Variants in ELMO1 observed in about 807,000 individuals in gnomAD.
The protein encoded by ELMO1 is engulfment and cell motility protein 1.
In ELMO1, 26 loss-of-function variants were observed where a neutral mutation model predicts 98.9. That is an observed-to-expected ratio of 0.26 (90% CI 0.19 to 0.36). The LOEUF is 0.36. Among genes scored for constraint, ELMO1 ranks in the 10% least tolerant of loss-of-function variants. ELMO1 has a pLI of 1.00. For synonymous variants in ELMO1, 346 were observed against 346.0 expected, an observed-to-expected ratio of 1.00 and a Z score of 0.00; for missense variants, 627 against 935.2, an observed-to-expected ratio of 0.67 and a Z score of 4.30.
Position 37,087,914 on chromosome 7 carries a change from C to T in ELMO1, c.1300+8705G>A, listed in dbSNP as rs184832734. 1.9e-4 allele frequency among the ~76,000 whole-genome samples: 29 copies of T among 152,228 alleles called. No homozygotes were observed. The East Asian group carries it at 5.6e-3, about 29-fold the overall frequency. On this transcript the variant is annotated intron_variant, in intron 15 of 21. Transcript: ENST00000310758. ...AAGTGCTACAGGAGTTCTGAGGGAG[C>T]TGTAATGCCCTCCCACAGTGAAGAT...
chr7:37,228,907 G>A (rs1246811712), intron 8 of ELMO1, among the ~76,000 whole-genome samples: 5 of 152,104 alleles, frequency 3.3e-5, no homozygotes, highest in Non-Finnish European at 5.9e-5. Flanking sequence ...CAGGAGAATC[G>A]CGTGAACCCA....
At chr7:36,867,193 T>C (rs1803097695) in intron 20 of ELMO1, among the ~76,000 whole-genome samples, 1 of 152,200 alleles carries the variant, frequency 6.6e-6, no homozygotes, top group Non-Finnish European at 1.5e-5. Flanking sequence ...ATTCTCCAGC[T>C]GTCCATCCAT....
chr7:37,441,000 C>CA (rs201646447), intron 1 of ELMO1, among the ~76,000 whole-genome samples: 4,331 of 147,190 alleles, frequency 0.029, 68 homozygotes, highest in Non-Finnish European at 0.033. Context: ...AGACCAAAAA[C>CA]AAAAAAAAAA....
intron 13 of ELMO1, among the ~76,000 whole-genome samples, chr7:37,135,431 G>A (rs946006746): frequency 6.6e-6 from 1 of 152,154 alleles, no homozygotes; most frequent in African/African-American, 2.4e-5. Context: ...GAGGCAACCA[G>A]CACACTAAAC....
At chr7:37,098,166 GACTC>G (rs1209061661) in intron 14 of ELMO1, among the ~76,000 whole-genome samples, 1 of 152,188 alleles carries the variant, frequency 6.6e-6, no homozygotes, top group East Asian at 1.9e-4. Flanking sequence ...GCTGTGCAGT[GACTC>G]ACTGTTTTGT....
chr7:37,011,262 G>A (rs1309627987), intron 16 of ELMO1, among the ~76,000 whole-genome samples: 2 of 152,206 alleles, frequency 1.3e-5, no homozygotes, highest in East Asian at 1.9e-4. Flanking sequence ...TGAACAGGCA[G>A]GATGTCTGCC....
At chr7:37,030,269 C>G (rs1165032609) in intron 15 of ELMO1, among the ~76,000 whole-genome samples, 1 of 152,160 alleles carries the variant, frequency 6.6e-6, no homozygotes, top group African/African-American at 2.4e-5. Flanking sequence ...CAAGTTGATA[C>G]TCTCAGGCAT....
At chr7:37,238,832 C>T (rs757715912) in intron 7 of ELMO1, among the ~76,000 whole-genome samples, 1 of 152,126 alleles carries the variant, frequency 6.6e-6, no homozygotes, top group Admixed American at 6.5e-5. Flanking sequence ...TTTCATAAAA[C>T]ACTGAGCTGC....
intron 1 of ELMO1, among the ~76,000 whole-genome samples, chr7:37,359,879 G>A (rs1241987489): frequency 6.6e-6 from 1 of 152,104 alleles, no homozygotes; most frequent in African/African-American, 2.4e-5. Context: ...ACTGCGACAC[G>A]GTGAACTTGC....
chr7:37,407,526 A>G (rs553590688), intron 1 of ELMO1, among the ~76,000 whole-genome samples: 1 of 151,914 alleles, frequency 6.6e-6, no homozygotes, highest in East Asian at 1.9e-4. Context: ...AAAAAAAAGA[A>G]CATGGATGAA....
At chr7:37,340,412 C>T (rs1800652069) in intron 2 of ELMO1, among the ~76,000 whole-genome samples, 1 of 152,132 alleles carries the variant, frequency 6.6e-6, no homozygotes, top group Admixed American at 6.5e-5. Flanking sequence ...CATAAAATTA[C>T]TTGTCAAAGC....
intron 2 of ELMO1, among the ~76,000 whole-genome samples, chr7:37,324,675 G>T (rs1039712582): frequency 3.3e-5 from 5 of 152,114 alleles, no homozygotes; most frequent in African/African-American, 1.2e-4. Context: ...TCAACCTCCT[G>T]GGTTTAAGGG....
intron 16 of ELMO1, among the ~76,000 whole-genome samples, chr7:36,952,167 G>A (rs1788016801): frequency 6.6e-6 from 1 of 152,182 alleles, no homozygotes; most frequent in East Asian, 1.9e-4. Context: ...TACTCCTGAG[G>A]GCAGCCACTG....
At chr7:37,406,786 C>T (rs1211891699) in intron 1 of ELMO1, among the ~76,000 whole-genome samples, 1 of 152,036 alleles carries the variant, frequency 6.6e-6, no homozygotes, top group African/African-American at 2.4e-5. Flanking sequence ...TAAAATATAG[C>T]ATTAGCTAGA....
At chr7:37,211,748 C>T (rs994354365) in intron 12 of ELMO1, among the ~76,000 whole-genome samples, 8 of 152,174 alleles carry the variant, frequency 5.3e-5, no homozygotes, top group African/African-American at 1.4e-4. Context: ...GTCCTCTTAG[C>T]CAAGTAGTTA....
chr7:37,219,009 G>A (rs553901446), intron 10 of ELMO1, among the ~76,000 whole-genome samples: 7 of 152,316 alleles, frequency 4.6e-5, no homozygotes, highest in African/African-American at 1.2e-4. Flanking sequence ...ACTGAATAAT[G>A]GTAAAAGTTG....
At chr7:36,939,783 C>G (rs1344446647) in intron 16 of ELMO1, among the ~76,000 whole-genome samples, 2 of 152,224 alleles carry the variant, frequency 1.3e-5, no homozygotes, top group Non-Finnish European at 2.9e-5. Flanking sequence ...GCTTTCACTG[C>G]TCAGGGATCT....
chr7:37,119,577 A>C (rs1785859370), intron 14 of ELMO1, among the ~76,000 whole-genome samples: 1 of 152,206 alleles, frequency 6.6e-6, no homozygotes. Flanking sequence ...AATAGTGTAA[A>C]CTAAACATAC....
chr7:37,005,187 A>C (rs78898124), intron 16 of ELMO1, among the ~76,000 whole-genome samples: 2 of 151,684 alleles, frequency 1.3e-5, no homozygotes, highest in East Asian at 3.9e-4. Flanking sequence ...TTTCTGGATG[A>C]CTCAGATTCC....
Sources: gnomAD v4.1 joint callset for allele counts (sites outside exome capture counted in the v4.1 genomes callset) on GRCh38, gnomAD v4.1.1 for gene constraint, MANE v1.5 for transcripts, NCBI Gene and HGNC (gene_info 2026-07-23, HGNC 2026-07-21) for gene names.